Variants in PRKCH observed in about 807,000 individuals in gnomAD.
PRKCH encodes the protein protein kinase C eta type.
In PRKCH, 28 loss-of-function variants were observed where a neutral mutation model predicts 82.5. The ratio of observed to expected loss-of-function variants is 0.34; its 90% CI spans 0.25 to 0.47. The LOEUF is 0.47. Ranked by LOEUF, PRKCH falls within the 20% of genes least tolerant of loss-of-function variation. PRKCH has a pLI of 1.00. For missense variants in PRKCH, 705 were observed against 881.8 expected (o/e 0.80, Z 2.54); for synonymous variants, 322 against 327.4 (o/e 0.98, Z 0.18).
At chr14:61,318,105 ACT>A (rs1250216299), upstream of PRKCH, among the ~76,000 whole-genome samples, 1 of 149,976 alleles carries the variant, frequency 6.7e-6, no homozygotes. Flanking sequence ...ACAGGATCTC[ACT>A]CTGTCACCCA....
intron 1 of PRKCH, among the ~76,000 whole-genome samples, chr14:61,212,390 A>G (rs2044589705): frequency 6.6e-6 from 1 of 152,252 alleles, no homozygotes; most frequent in Non-Finnish European, 1.5e-5. Flanking sequence ...GTCACTCTAA[A>G]AAACCTACAG....
chr14:61,257,374 A>G (rs1408920379), intron 1 of PRKCH, among the ~76,000 whole-genome samples: 1 of 152,208 alleles, frequency 6.6e-6, no homozygotes, highest in Non-Finnish European at 1.5e-5. Context: ...CTGACATTTT[A>G]CAGATTATAT....
intron 1 of PRKCH, among the ~76,000 whole-genome samples, chr14:61,294,419 G>A (rs2045390100): frequency 6.6e-6 from 1 of 151,926 alleles, no homozygotes; most frequent in Non-Finnish European, 1.5e-5. Flanking sequence ...CATGCCTGAC[G>A]TTGAAGTTTT....
intron 12 of PRKCH, among the ~76,000 whole-genome samples, chr14:61,531,759 A>G (rs1438328708): frequency 6.6e-6 from 1 of 152,270 alleles, no homozygotes; most frequent in Admixed American, 6.5e-5. Context: ...AAAGCACAGT[A>G]CTTTGGGATT....
chr14:61,425,043 A>G (rs553923258), intron 2 of PRKCH, among the ~76,000 whole-genome samples: 1 of 152,354 alleles, frequency 6.6e-6, no homozygotes, highest in East Asian at 1.9e-4. Context: ...GCCTCAGCTG[A>G]GATTTCAGAG....
intron 1 of PRKCH, among the ~76,000 whole-genome samples, chr14:61,194,325 G>T (rs565612058): frequency 1.3e-5 from 2 of 152,268 alleles, no homozygotes; most frequent in East Asian, 3.9e-4. Context: ...TTCATATGTT[G>T]AAATCCTCAT....
Position 61,490,002 on chromosome 14 carries a change from A to G in PRKCH, c.1433+4346A>G, listed in dbSNP as rs79405082. The stretch of plus-strand genomic sequence containing the variant: ...TGAGGAATAGTTTATAGAAGGGCAC[A>G]GTTTAAATTTCACTTCCTCCTCACC... On this transcript the variant is annotated intron_variant, in intron 10 of 13. Transcript: ENST00000332981. Among the ~76,000 whole-genome samples, 520 of 152,368 alleles carry G rather than the reference A, an allele frequency of 3.4e-3. 13 individuals carry two copies. The East Asian group carries it at 0.039, about 12-fold the overall frequency.
chr14:61,213,529 G>A (rs2044597230), intron 1 of PRKCH, among the ~76,000 whole-genome samples: 1 of 152,176 alleles, frequency 6.6e-6, no homozygotes, highest in Non-Finnish European at 1.5e-5. Context: ...TGTGAAAAAG[G>A]ACTTCATGGC....
chr14:61,453,279 G>A lies in PRKCH; in HGVS notation c.886G>A (p.Gly296Arg). The A allele has an allele frequency of 6.2e-7, 1 of 1,614,170 alleles. No homozygotes were observed. Among genetic ancestry groups the A allele is most frequent in the Non-Finnish European group, 8.5e-7 (1 of 1,180,024 alleles). ...TCAAGCGAACGTGGCCCCTAACTGT[G>A]GGGTAAATGCGGTGGAACTTGCCAA... ...RCQANVAPNC[G>R]VNAVELAKTL... is the part of the protein sequence containing the mutation. Residue 296 changes from glycine to arginine, a missense_variant, in exon 7 of 14, where the codon GGG becomes AGG. By Grantham distance (125) the Gly-to-Arg change is moderately radical. Coordinates refer to ENST00000332981, the MANE Select transcript of PRKCH (RefSeq NM_006255.5).
chr14:61,326,931 T>A (rs2045704846), intron 1 of PRKCH: 5 of 326,356 alleles, frequency 1.5e-5, no homozygotes, highest in Non-Finnish European at 3.2e-5. Context: ...TCTATTTTCT[T>A]CTTTCGTGTA....
intron 10 of PRKCH, among the ~76,000 whole-genome samples, chr14:61,487,160 A>G (rs948071004): frequency 9.9e-5 from 15 of 152,110 alleles, no homozygotes; most frequent in African/African-American, 3.6e-4. Flanking sequence ...CCACAGAGAC[A>G]CTTCTCTAAT....
chr14:61,453,629 C>G (rs1013857349), intron 7 of PRKCH, among the ~76,000 whole-genome samples: 1 of 136,880 alleles, frequency 7.3e-6, no homozygotes, highest in Admixed American at 6.9e-5. Flanking sequence ...CTTCCTTCCT[C>G]CCTTCCCCTT....
At chr14:61,481,326 C>T (rs1323079369) in intron 9 of PRKCH, among the ~76,000 whole-genome samples, 1 of 152,172 alleles carries the variant, frequency 6.6e-6, no homozygotes, top group Non-Finnish European at 1.5e-5. Context: ...GCTGCTGGGA[C>T]CTGAACCAGA....
chr14:61,337,324 A>G lies in PRKCH; in HGVS notation c.363+14860A>G, dbSNP rs114330372. Among the ~76,000 whole-genome samples the G allele has an allele frequency of 4.3e-3, 652 of 151,930 alleles. 1 individual carries two copies. Among genetic ancestry groups the G allele is most frequent in the African/African-American group, 0.015 (626 of 41,402 alleles). On this transcript the variant is annotated intron_variant, in intron 1 of 13. Transcript: ENST00000332981. ...AAGCTCAGCTAATTTTTTAATGTAGAGACAGGGTCTTGCCATGTTGCTTAG... is the reference window on the plus strand; with the variant it reads ...AAGCTCAGCTAATTTTTTAATGTAGGGACAGGGTCTTGCCATGTTGCTTAG...
chr14:61,368,598 A>G (rs2046328277), intron 1 of PRKCH, among the ~76,000 whole-genome samples: 2 of 152,112 alleles, frequency 1.3e-5, no homozygotes, highest in African/African-American at 4.8e-5. Flanking sequence ...CCTCCTGTAG[A>G]TATTTCCCAT....
intron 1 of PRKCH, among the ~76,000 whole-genome samples, chr14:61,363,318 A>G (rs991663716): frequency 1.3e-5 from 2 of 152,186 alleles, no homozygotes; most frequent in African/African-American, 4.8e-5. Context: ...ATGGCAGCTC[A>G]TTGAGTCATA....
intron 10 of PRKCH, among the ~76,000 whole-genome samples, chr14:61,494,192 C>T (rs916122985): frequency 6.6e-5 from 10 of 152,154 alleles, no homozygotes; most frequent in South Asian, 6.2e-4. Flanking sequence ...GTTGAGACCA[C>T]GAGACTGAAT....
chr14:61,325,000 G>A (rs2045675410), intron 1 of PRKCH, among the ~76,000 whole-genome samples: 1 of 152,190 alleles, frequency 6.6e-6, no homozygotes, highest in African/African-American at 2.4e-5. Flanking sequence ...GCTCTTAGCT[G>A]TAGGTTATGG....
intron 1 of PRKCH, among the ~76,000 whole-genome samples, chr14:61,352,722 G>C (rs1268481853): frequency 1.3e-5 from 2 of 151,376 alleles, no homozygotes; most frequent in African/African-American, 2.4e-5. Flanking sequence ...AAGAAAGAAA[G>C]AAAGAAAGAA....
Sources: gnomAD v4.1 joint callset for allele counts (sites outside exome capture counted in the v4.1 genomes callset) on GRCh38, gnomAD v4.1.1 for gene constraint, MANE v1.5 for transcripts, NCBI Gene and HGNC (gene_info 2026-07-23, HGNC 2026-07-21) for gene names.